Variants in ISM1 observed in about 807,000 individuals in gnomAD.
ISM1 encodes isthmin 1, also known as isthmin-1.
ISM1 carries 25 observed loss-of-function variants against 46.3 expected under a neutral mutation model. The observed-to-expected ratio is 0.54, with a 90% CI of 0.39 to 0.75. The LOEUF is 0.75. ISM1 is among the 30% of genes least tolerant of loss of function. The pLI, the probability that ISM1 is intolerant of heterozygous loss-of-function variation, is 0.00. For synonymous variants in ISM1, 255 were observed against 256.7 expected (o/e 0.99, Z 0.06); for missense variants, 536 against 625.4 (o/e 0.86, Z 1.52).
At chr20:13,257,420 G>T (rs1163443148) in intron 1 of ISM1, among the ~76,000 whole-genome samples, 1 of 152,164 alleles carries the variant, frequency 6.6e-6, no homozygotes, top group African/African-American at 2.4e-5. Context: ...GGGAGGCTGA[G>T]GTGGGAGAAT....
chr20:13,301,575 G>A (rs2040458484), downstream of ISM1, among the ~76,000 whole-genome samples: 1 of 152,122 alleles, frequency 6.6e-6, no homozygotes, highest in East Asian at 1.9e-4. Context: ...GTCTAATCAC[G>A]GAATGAGAAG....
At position 13,297,048 on chromosome 20, in the gene ISM1, G is replaced by A. The variant is rs549453027; in HGVS notation, c.878-1894G>A. Among the ~76,000 whole-genome samples, 3 of 151,618 alleles carry A rather than the reference G, an allele frequency of 2.0e-5. No homozygotes were observed. The East Asian group carries it at 5.9e-4, about 30-fold the overall frequency. On this transcript the variant is annotated intron_variant, in intron 5 of 5. Transcript: ENST00000262487. ...TGCCTCACCCCCCGCCAAAAAAAAA[G>A]ATGTATTTTGTCCTGATCAATCAGT...
the ISM1 span, among the ~76,000 whole-genome samples, chr20:13,323,688 A>G: frequency 1.3e-5 from 2 of 152,190 alleles, 1 homozygote; most frequent in Non-Finnish European, 2.9e-5. Context: ...TATACATGTC[A>G]TGGACTACTC....
At chr20:13,266,551 C>G (rs1464797122) in intron 1 of ISM1, among the ~76,000 whole-genome samples, 1 of 152,132 alleles carries the variant, frequency 6.6e-6, no homozygotes, top group African/African-American at 2.4e-5. Flanking sequence ...AGATAGTTAA[C>G]TCAATGTTAA....
At chr20:13,263,960 G>A (rs2040016385) in intron 1 of ISM1, among the ~76,000 whole-genome samples, 1 of 150,558 alleles carries the variant, frequency 6.6e-6, no homozygotes, top group South Asian at 2.1e-4. Context: ...AAGATTCCTA[G>A]GGTTTTTTTG....
At chr20:13,320,320 C>CATT in the ISM1 span, among the ~76,000 whole-genome samples, 1 of 152,258 alleles carries the variant, frequency 6.6e-6, no homozygotes, top group Admixed American at 6.5e-5. Context: ...CTGTGTGATA[C>CATT]ATTAGCTTTG....
chr20:13,276,800 C>G (rs1213707180), intron 2 of ISM1, among the ~76,000 whole-genome samples: 1 of 152,252 alleles, frequency 6.6e-6, no homozygotes, highest in East Asian at 1.9e-4. Context: ...ATAAAACGAG[C>G]CCTCGCCATT....
chr20:13,229,136 TTCTC>T (rs761514806), intron 1 of ISM1, among the ~76,000 whole-genome samples: 19 of 146,916 alleles, frequency 1.3e-4, no homozygotes, highest in African/African-American at 2.3e-4. Context: ...CTTTCTTCTC[TTCTC>T]TCTCTCTCTC....
At chr20:13,247,046 G>C (rs1281310634) in intron 1 of ISM1, among the ~76,000 whole-genome samples, 3 of 152,026 alleles carry the variant, frequency 2.0e-5, no homozygotes, top group Non-Finnish European at 4.4e-5. Flanking sequence ...GACCAGTCTG[G>C]CCAACATGGT....
At chr20:13,281,711 T>C (rs572308458) in intron 3 of ISM1, among the ~76,000 whole-genome samples, 3 of 151,982 alleles carry the variant, frequency 2.0e-5, no homozygotes, top group Non-Finnish European at 2.9e-5. Context: ...GGTTGGAAGA[T>C]AGGAATGGGA....
At chr20:13,268,069 G>A (rs780546572) in intron 1 of ISM1, among the ~76,000 whole-genome samples, 23 of 151,112 alleles carry the variant, frequency 1.5e-4, no homozygotes, top group Admixed American at 1.2e-3. Flanking sequence ...ATGTCATCGA[G>A]AAATCTTATG....
At chr20:13,262,471 T>C (rs553396834) in intron 1 of ISM1, among the ~76,000 whole-genome samples, 2 of 152,106 alleles carry the variant, frequency 1.3e-5, no homozygotes, top group Admixed American at 6.5e-5. Context: ...TTTTCTTTTT[T>C]TTTTTGGCCT....
At chr20:13,267,633 C>T (rs2040057814) in intron 1 of ISM1, among the ~76,000 whole-genome samples, 1 of 152,144 alleles carries the variant, frequency 6.6e-6, no homozygotes, top group Non-Finnish European at 1.5e-5. Context: ...TGGTGAATTT[C>T]CTACCAGGAA....
At chr20:13,282,481 C>T (rs1200859860) in intron 3 of ISM1, among the ~76,000 whole-genome samples, 2 of 152,216 alleles carry the variant, frequency 1.3e-5, no homozygotes, top group Admixed American at 1.3e-4. Context: ...ATTAAGAACA[C>T]CCCCTCTATT....
At chr20:13,302,726 T>C (rs1485578327), downstream of ISM1, among the ~76,000 whole-genome samples, 3 of 152,192 alleles carry the variant, frequency 2.0e-5, no homozygotes, top group Admixed American at 6.5e-5. Flanking sequence ...CACTGCTCTT[T>C]TGCCTTCCCC....
intron 1 of ISM1, among the ~76,000 whole-genome samples, chr20:13,255,891 A>G (rs1026732240): frequency 6.6e-5 from 10 of 150,678 alleles, no homozygotes; most frequent in Non-Finnish European, 1.5e-4. Context: ...CCAGCCATTC[A>G]TTCATTCAGA....
At position 13,230,184 on chromosome 20, in the gene ISM1, T is replaced by A. The variant is rs911736453; in HGVS notation, c.138+8270T>A. 2.6e-5 allele frequency among the ~76,000 whole-genome samples: 4 copies of A among 152,216 alleles called. No individual in the cohort carries two copies. The East Asian group carries it at 7.7e-4, about 29-fold the overall frequency. ...CAAAGCAAATAATCTCAATAACATTTTCCATATGTCATACAAGTGTTTTTT... is the reference window on the plus strand; with the variant it reads ...CAAAGCAAATAATCTCAATAACATTATCCATATGTCATACAAGTGTTTTTT... On this transcript the variant is annotated intron_variant, in intron 1 of 5. Transcript: ENST00000262487.
chr20:13,257,963 C>T (rs946419199), intron 1 of ISM1, among the ~76,000 whole-genome samples: 6 of 152,080 alleles, frequency 3.9e-5, no homozygotes, highest in Non-Finnish European at 8.8e-5. Flanking sequence ...ATTTCATAGC[C>T]TACTTACTAT....
chr20:13,324,926 C>A, the ISM1 span, among the ~76,000 whole-genome samples: 2 of 152,192 alleles, frequency 1.3e-5, no homozygotes, highest in African/African-American at 4.8e-5. Flanking sequence ...ATACAAGGAT[C>A]CCTAGCTTTG....
Sources: gnomAD v4.1 joint callset for allele counts (sites outside exome capture counted in the v4.1 genomes callset) on GRCh38, gnomAD v4.1.1 for gene constraint, MANE v1.5 for transcripts, NCBI Gene and HGNC (gene_info 2026-07-23, HGNC 2026-07-21) for gene names.